EVC: variants seen among roughly 807,000 people sequenced by gnomAD.
The protein encoded by EVC is EvC ciliary complex subunit 1.
Under a neutral mutation model 118.9 loss-of-function variants are expected in EVC, and 116 were observed. That is an observed-to-expected ratio of 0.98 (90% CI 0.84 to 1.14). The LOEUF is 1.14. EVC is among the 50% of genes most tolerant of loss of function. The probability of loss-of-function intolerance (pLI) is 0.00; values close to 1 mark genes in which losing one functional copy is unlikely to be tolerated. For synonymous variants in EVC, 619 were observed against 534.7 expected (o/e 1.16, Z -2.18); for missense variants, 1,401 against 1,246.4 (o/e 1.12, Z -1.87).
Position 5,794,343 on chromosome 4 carries a change from TTA to T in EVC, c.1886+636_1886+637del, listed in dbSNP as rs1045122246. On this transcript the variant is annotated intron_variant, in intron 13 of 20. Coordinates refer to ENST00000264956, the MANE Select transcript of EVC (RefSeq NM_153717.3). The stretch of plus-strand genomic sequence containing the variant: ...TATATATTTATATATATTTATATAC[TTA>T]TATATATATTTATGTATTTATATTT... 1.0e-3 allele frequency among the ~76,000 whole-genome samples: 40 copies of T among 39,376 alleles called. 1 individual carries two copies. The highest frequency in any genetic ancestry group is 8.0e-3 in the East Asian group (9 of 1,132). 25.8% of individuals were successfully genotyped at this position (39,376 alleles called of 152,430 possible).
At chr4:5,718,752 A>G (rs1352797513) in intron 1 of EVC, among the ~76,000 whole-genome samples, 1 of 152,222 alleles carries the variant, frequency 6.6e-6, no homozygotes, top group Non-Finnish European at 1.5e-5. Flanking sequence ...AGAATCCATA[A>G]ATAATGAGCA....
In EVC at chr4:5,745,234, G is replaced by T; in HGVS notation, c.832G>T (p.Val278Phe). The T allele has an allele frequency of 6.2e-7, 1 of 1,613,770 alleles. No homozygotes were observed. Residue 278 changes from valine (V) to phenylalanine (F), a missense_variant, in exon 7 of 21, where the codon GTC becomes TTC. Transcript: ENST00000264956. ...DLEELEKGLQ[V>F]KLSNTEMSGA... The stretch of plus-strand genomic sequence containing the variant: ...GGAGGAACTAGAAAAGGGACTTCAG[G>T]TCAAACTGTCAAACACAGAAATGTC...
At chr4:5,761,938 C>T (rs907567618) in intron 11 of EVC, among the ~76,000 whole-genome samples, 2 of 151,332 alleles carry the variant, frequency 1.3e-5, no homozygotes, top group African/African-American at 4.9e-5. Context: ...TTTTAGGGTA[C>T]ATGTGCACAA....
At position 5,748,324 on chromosome 4, in the gene EVC, G is replaced by A. The variant is rs755931960; in HGVS notation, c.1098+18G>A. On this transcript the variant is annotated intron_variant, in intron 8 of 20. Transcript: ENST00000264956. The stretch of plus-strand genomic sequence containing the variant: ...AGGCTCTGGTAATGCTGGAGGGGGC[G>A]GGAGGGAACATAAAGATATTCAGAC... 20 of 1,613,430 alleles carry A rather than the reference G, an allele frequency of 1.2e-5. No individual in the cohort carries two copies. Among genetic ancestry groups the A allele is most frequent in the African/African-American group, 1.3e-5 (1 of 74,850 alleles).
chr4:5,794,379 A>G (rs905726723), intron 13 of EVC, among the ~76,000 whole-genome samples: 3 of 139,212 alleles, frequency 2.2e-5, no homozygotes, highest in African/African-American at 5.3e-5. Flanking sequence ...TTATATACAT[A>G]TATATATATT....
At chr4:5,768,347 A>G (rs1233277619) in intron 11 of EVC, among the ~76,000 whole-genome samples, 1 of 152,122 alleles carries the variant, frequency 6.6e-6, no homozygotes, top group Admixed American at 6.5e-5. Flanking sequence ...AGAAGCAGGG[A>G]GCCCTGGTAG....
rs778335798 is a variant in EVC at position 5,749,341 on chromosome 4, G to GGGAAA, written c.1098+1035_1098+1036insGGAAA. On this transcript the variant is annotated intron_variant, in intron 8 of 20. Transcript: ENST00000264956. This position sits in a 1 kb window ranked among gnomAD's most constrained non-coding sequence, Gnocchi z 4.4. ...TAACACTAACGATAGCTGATGAGCGGAAAAAAAAAAAAAAAAAAAGGTCCC... is the reference window on the plus strand; with the variant it reads ...TAACACTAACGATAGCTGATGAGCGGGGAAAAAAAAAAAAAAAAAAAAAAGGTCCC... Among the ~76,000 whole-genome samples the GGGAAA allele has an allele frequency of 6.6e-5, 8 of 121,880 alleles. No individual in the cohort carries two copies. The highest frequency in any genetic ancestry group is 1.9e-4 in the African/African-American group (6 of 31,282). The allele number at this position is 121,880 out of a possible 152,430, so 80.0% of individuals were successfully genotyped here. A position where few individuals can be genotyped will look rare whatever the true frequency, so the allele number is the denominator to read the frequency against.
intron 5 of EVC, among the ~76,000 whole-genome samples, 192 bp from the exon 6 acceptor site, chr4:5,741,524 A>G (rs1333568211): frequency 6.6e-6 from 1 of 152,310 alleles, no homozygotes; most frequent in South Asian, 2.1e-4. Context: ...GTAATGCATT[A>G]TGGGCCATTG....
chr4:5,801,075 T>G (rs1204342769), intron 15 of EVC, among the ~76,000 whole-genome samples: 1 of 152,222 alleles, frequency 6.6e-6, no homozygotes, highest in Non-Finnish European at 1.5e-5. Flanking sequence ...CAGGGTCTCC[T>G]GTCTTTTCTA....
At position 5,754,952 on chromosome 4, in the gene EVC, G is replaced by C. The variant is rs1730938277; in HGVS notation, c.1464+1019G>C. Among the ~76,000 whole-genome samples, 1 of 151,990 alleles carries C rather than the reference G, an allele frequency of 6.6e-6. No individual in the cohort carries two copies. The highest frequency in any genetic ancestry group is 1.5e-5 in the Non-Finnish European group (1 of 67,984). ...GGGTCCAGGCTCAGCCCAGAATAGA[G>C]GCCCAGGGGCTCTCCCTGGGGGCCA... On this transcript the variant is annotated intron_variant, in intron 10 of 20. Transcript: ENST00000264956. The surrounding 1 kb of genome is among the most constrained non-coding windows in gnomAD (Gnocchi z 5.8).
At chr4:5,748,730 A>G (rs117701534) in intron 8 of EVC, among the ~76,000 whole-genome samples, 34,712 of 63,232 alleles carry the variant, frequency 0.55, 8,773 homozygotes, top group East Asian at 0.74. Flanking sequence ...CCACCCATCC[A>G]CCCATCAATC....
the EVC span, chr4:5,821,841 T>C: frequency 1.3e-6 from 2 of 1,585,118 alleles, no homozygotes; most frequent in Non-Finnish European, 1.7e-6. This position sits in a 1 kb window ranked among gnomAD's most constrained non-coding sequence, Gnocchi z 4.4. Context: ...TGTTGTCATC[T>C]ATCTGGGCAC....
Position 5,711,499 on chromosome 4 carries a change from T to A in EVC, c.119T>A (p.Leu40His). ...PAVLLGAALG[L>H]GLGLWLGCRA... Reference sequence around the variant, plus strand: ...GTGCTGCTGGGCGCCGCGCTCGGCCTCGGCCTCGGCCTTTGGCTTGGCTGC... The same window carrying A: ...GTGCTGCTGGGCGCCGCGCTCGGCCACGGCCTCGGCCTTTGGCTTGGCTGC... The change falls in exon 1 of 21, where the codon CTC becomes CAC. Residue 40 changes from leucine to histidine, a missense_variant. Leu to His is a moderately conservative substitution (Grantham distance 99). Coordinates refer to ENST00000264956, the MANE Select transcript of EVC (RefSeq NM_153717.3). The A allele has an allele frequency of 8.8e-7, 1 of 1,135,134 alleles. No homozygotes were observed. The highest frequency in any genetic ancestry group is 1.1e-6 in the Non-Finnish European group (1 of 927,760). The allele number at this position is 1,135,134 out of a possible 1,614,324, so 70.3% of individuals were successfully genotyped here. A position where few individuals can be genotyped will look rare whatever the true frequency, so the allele number is the denominator to read the frequency against.
chr4:5,713,141 G>C (rs1422251232), intron 1 of EVC, among the ~76,000 whole-genome samples: 8 of 152,222 alleles, frequency 5.3e-5, no homozygotes, highest in Admixed American at 4.6e-4. Flanking sequence ...ATCTGGGTTT[G>C]CACAGCTAGT....
Position 5,797,059 on chromosome 4 carries a change from T to C in EVC, c.1924T>C (p.Leu642=), listed in dbSNP as rs1458268098. The part of the protein sequence containing the change: ...RCVLQGHDLL[L]RSALRRLALR... Reference sequence around the variant, plus strand: ...TGTCCTGCAGGGGCATGACCTGCTGTTGCGCTCAGCCCTCCGGAGGCTGGC... The same window carrying C: ...TGTCCTGCAGGGGCATGACCTGCTGCTGCGCTCAGCCCTCCGGAGGCTGGC... The change falls in exon 14 of 21, where the codon TTG becomes CTG. Residue 642 remains leucine (L), a synonymous_variant. Transcript: ENST00000264956. 2 of 1,613,322 alleles carry C rather than the reference T, an allele frequency of 1.2e-6. No homozygotes were observed. Among genetic ancestry groups the C allele is most frequent in the Non-Finnish European group, 1.7e-6 (2 of 1,180,008 alleles).
intron 15 of EVC, chr4:5,801,671 CAAAAA>C (rs35554149): frequency 0.056 from 13,732 of 244,368 alleles, 2 homozygotes; most frequent in South Asian, 0.13. Flanking sequence ...GTCTCCATCT[CAAAAA>C]AAAAAAAAAA....
At position 5,711,324 on chromosome 4, in the gene EVC, G is replaced by T; in HGVS notation, c.-57G>T. The T allele has an allele frequency of 1.0e-6, 1 of 1,000,042 alleles. No individual in the cohort carries two copies. Among genetic ancestry groups the T allele is most frequent in the Non-Finnish European group, 1.2e-6 (1 of 838,380 alleles). 61.9% of individuals were successfully genotyped at this position (1,000,042 alleles called of 1,614,324 possible). A position where few individuals can be genotyped will look rare whatever the true frequency, so the allele number is the denominator to read the frequency against. On this transcript the variant is annotated 5_prime_UTR_variant, in exon 1 of 21. Transcript: ENST00000264956. ...CTCCAAGTCCCGCGTCGCCGCCCTG[G>T]CGGGGACGGTGCAGCAGGCGGCGGG...
rs1331249814 is a variant in EVC at position 5,811,606 on chromosome 4, G to C, written c.*569G>C. 5.9e-6 allele frequency: 1 copy of C among 170,018 alleles called. No individual in the cohort carries two copies. Among genetic ancestry groups the C allele is most frequent in the Non-Finnish European group, 1.3e-5 (1 of 79,566 alleles). The allele number at this position is 170,018 out of a possible 1,614,324, so 10.5% of individuals were successfully genotyped here. A position where few individuals can be genotyped will look rare whatever the true frequency, so the allele number is the denominator to read the frequency against. On this transcript the variant is annotated 3_prime_UTR_variant, in exon 21 of 21. Transcript: ENST00000264956. ...CCCTGATAGATGCTGAGAGCATCCA[G>C]AAACTTCCAGACCAGCCCTCTCACC...
intron 11 of EVC, among the ~76,000 whole-genome samples, chr4:5,760,495 C>T (rs975489175): frequency 3.3e-5 from 5 of 152,092 alleles, no homozygotes; most frequent in African/African-American, 1.2e-4. Flanking sequence ...AAGAAGGTGT[C>T]GAGGGACACA....
Sources: allele counts gnomAD v4.1 joint callset (sites outside exome capture counted in the v4.1 genomes callset), GRCh38; gene constraint gnomAD v4.1.1; non-coding constraint Gnocchi (gnomAD v3.1); transcripts MANE v1.5; gene names NCBI Gene and HGNC (gene_info 2026-07-23, HGNC 2026-07-21).